Variants in NEBL observed in about 807,000 individuals in gnomAD.
NEBL encodes the protein LIM and SH3 protein 2.
In NEBL, 122 loss-of-function variants were observed where a neutral mutation model predicts 140.2. That is an observed-to-expected ratio of 0.87 (90% CI 0.75 to 1.01). The LOEUF is 1.01. Ranked by LOEUF, NEBL falls within the 50% of genes least tolerant of loss-of-function variation. NEBL has a pLI of 0.00. For missense variants in NEBL, 1,365 were observed against 1,231.3 expected (o/e 1.11, Z -1.62); for synonymous variants, 436 against 398.9 (o/e 1.09, Z -1.11).
chr10:20,913,068 T>C (rs1341476666), intron 4 of NEBL, among the ~76,000 whole-genome samples: 2 of 151,914 alleles, frequency 1.3e-5, no homozygotes, highest in African/African-American at 4.8e-5. Context: ...TGCTGTAAAT[T>C]GTTTTGAACA....
intron 2 of NEBL, among the ~76,000 whole-genome samples, chr10:21,100,715 G>C (rs925824279): frequency 1.1e-4 from 17 of 152,130 alleles, no homozygotes. Context: ...TCCAGGATTG[G>C]TTTTGCTACA....
chr10:20,945,240 A>C (rs763981907), intron 4 of NEBL, among the ~76,000 whole-genome samples: 1 of 152,092 alleles, frequency 6.6e-6, no homozygotes, highest in Non-Finnish European at 1.5e-5. Flanking sequence ...ATCTCAGGAC[A>C]CTTTCTTCTG....
In NEBL at chr10:20,858,682, A is replaced by C. The variant is rs45513591; in HGVS notation, c.799-338T>G. Among the ~76,000 whole-genome samples, 8,835 of 152,302 alleles carry C rather than the reference A, an allele frequency of 0.058. 360 individuals carry two copies. Among genetic ancestry groups the C allele is most frequent in the Middle Eastern group, 0.12 (36 of 294 alleles). On this transcript the variant is annotated intron_variant, in intron 8 of 27. Transcript: ENST00000377122. ...TAGAAATTACTACAGTATTTCAACT[A>C]TGCTTTGTGGAGATCTGAGGATTTT...
intron 3 of NEBL, among the ~76,000 whole-genome samples, chr10:21,224,777 A>G (rs1307050599): frequency 6.6e-6 from 1 of 152,020 alleles, no homozygotes; most frequent in Non-Finnish European, 1.5e-5. Flanking sequence ...TATAAGTGGG[A>G]TTACTTTCTT....
intron 2 of NEBL, among the ~76,000 whole-genome samples, chr10:21,073,635 A>T (rs968766671): frequency 1.1e-4 from 17 of 151,472 alleles, no homozygotes; most frequent in African/African-American, 3.6e-4. Context: ...AAAAAAAAAA[A>T]AAGTCTTTAT....
At chr10:21,269,546 T>C (rs1008458027) in intron 1 of NEBL, among the ~76,000 whole-genome samples, 5 of 152,306 alleles carry the variant, frequency 3.3e-5, no homozygotes, top group Admixed American at 3.3e-4. Context: ...ACGTTCGTGG[T>C]TAGAACTATG....
rs771316603 is a variant in NEBL, at chr10:20,812,763, G to C, written c.2518+6C>G. 5.0e-6 allele frequency: 8 copies of C among 1,613,838 alleles called. No individual in the cohort carries two copies. The Admixed American group carries it at 1.3e-4, about 27-fold the overall frequency. Reference sequence around the variant, plus strand: ...ACACACCGGCCGACAAACGCCGTCAGCTTACCAACAATGATTCCAGGTCTC... The same window carrying C: ...ACACACCGGCCGACAAACGCCGTCACCTTACCAACAATGATTCCAGGTCTC... On this transcript the variant is annotated splice_donor_region_variant and intron_variant, in intron 24 of 27. Transcript: ENST00000377122.
intron 2 of NEBL, chr10:21,172,264 T>C: frequency 3.9e-6 from 3 of 773,140 alleles, no homozygotes; most frequent in Non-Finnish European, 6.9e-6. Flanking sequence ...TATAAACAGG[T>C]AACTGGCCCC....
chr10:21,126,557 A>C (rs968470352), intron 2 of NEBL, among the ~76,000 whole-genome samples: 1 of 152,162 alleles, frequency 6.6e-6, no homozygotes, highest in African/African-American at 2.4e-5. Flanking sequence ...CTGGAAGGGA[A>C]GCTACAACTA....
intron 2 of NEBL, among the ~76,000 whole-genome samples, chr10:21,125,225 T>TAC (rs555623591): frequency 0.04 from 5,606 of 141,362 alleles, 278 homozygotes; most frequent in African/African-American, 0.15. Context: ...CACACATGCA[T>TAC]ATACACACAC....
chr10:20,798,801 G>T (rs183099284), intron 26 of NEBL, among the ~76,000 whole-genome samples: 4 of 152,064 alleles, frequency 2.6e-5, no homozygotes. Context: ...ACACACATAC[G>T]GAACCCTTTG....
intron 2 of NEBL, among the ~76,000 whole-genome samples, chr10:21,046,024 C>CGT (rs397816422): frequency 2.1e-4 from 32 of 151,764 alleles, no homozygotes; most frequent in African/African-American, 7.0e-4. Flanking sequence ...CACACACACA[C>CGT]GTGTGTGCAC....
intron 1 of NEBL, among the ~76,000 whole-genome samples, chr10:21,256,226 C>T (rs940335675): frequency 6.6e-6 from 1 of 152,004 alleles, no homozygotes; most frequent in Admixed American, 6.6e-5. Context: ...CACCACCATA[C>T]CTGGCTAATT....
chr10:20,896,579 T>TAA lies in NEBL; in HGVS notation c.153+377_153+378dup, dbSNP rs367852361. 5.8e-3 allele frequency among the ~76,000 whole-genome samples: 847 copies of TAA among 146,170 alleles called. 7 individuals carry two copies. Among genetic ancestry groups the TAA allele is most frequent in the African/African-American group, 0.021 (818 of 39,622 alleles). On this transcript the variant is annotated intron_variant, in intron 2 of 27. Coordinates refer to ENST00000377122, the MANE Select transcript of NEBL (RefSeq NM_006393.3). ...GATTGTTCAGAAGGCCCCAAAATGT[T>TAA]AAAAAAATGACTATTCATTTAGATA...
At chr10:21,041,732 C>T (rs765334019) in intron 2 of NEBL, among the ~76,000 whole-genome samples, 1 of 152,088 alleles carries the variant, frequency 6.6e-6, no homozygotes, top group African/African-American at 2.4e-5. Context: ...ATGGGCTGCT[C>T]GACTGAGTAT....
At chr10:20,861,579 G>GA (rs2131164824) in intron 7 of NEBL, among the ~76,000 whole-genome samples, 1 of 152,280 alleles carries the variant, frequency 6.6e-6, no homozygotes, top group African/African-American at 2.4e-5. Context: ...GATATTCACT[G>GA]AACAAAGATG....
Position 20,827,310 on chromosome 10 carries a change from G to C in NEBL, c.1777-771C>G, listed in dbSNP as rs529971934. Among the ~76,000 whole-genome samples the C allele has an allele frequency of 2.0e-5, 3 of 152,166 alleles. No individual in the cohort carries two copies. In the East Asian group the frequency reaches 5.8e-4, roughly 29 times the overall value. On this transcript the variant is annotated intron_variant, in intron 17 of 27. Coordinates refer to ENST00000377122, the MANE Select transcript of NEBL (RefSeq NM_006393.3). ...AAGGCTAGAACTACAGAACACTATA[G>C]AATCACACAGCCTCTTTTCCTCATC...
chr10:21,093,540 C>T (rs1837024604), intron 2 of NEBL, among the ~76,000 whole-genome samples: 1 of 152,184 alleles, frequency 6.6e-6, no homozygotes, highest in South Asian at 2.1e-4. Context: ...ATGCCATCTC[C>T]AAATTTCCAG....
chr10:20,891,390 A>G (rs530781138), intron 2 of NEBL, among the ~76,000 whole-genome samples: 1 of 152,368 alleles, frequency 6.6e-6, no homozygotes, highest in African/African-American at 2.4e-5. Flanking sequence ...AGTATGATAA[A>G]TAGTAGGCTA....
Sources: gnomAD v4.1 joint callset for allele counts (sites outside exome capture counted in the v4.1 genomes callset) on GRCh38, gnomAD v4.1.1 for gene constraint, MANE v1.5 for transcripts, NCBI Gene and HGNC (gene_info 2026-07-23, HGNC 2026-07-21) for gene names.